The following CFAP92 variants were observed in gnomAD, a reference collection of about 807,000 sequenced individuals.
CFAP92 encodes uncharacterized protein CFAP92.
CFAP92 carries 86 observed loss-of-function variants against 106.3 expected under a neutral mutation model. The observed-to-expected ratio is 0.81, with a 90% CI of 0.68 to 0.97. The LOEUF is 0.97. CFAP92 is among the 50% of genes least tolerant of loss of function. The pLI is 0.00. For synonymous variants in CFAP92, 477 were observed against 506.4 expected (o/e 0.94, Z 0.78); for missense variants, 1,204 against 1,283.8 (o/e 0.94, Z 0.95).
chr3:128,991,026 T>C (rs1944179451), intron 2 of CFAP92, among the ~76,000 whole-genome samples: 1 of 152,210 alleles, frequency 6.6e-6, no homozygotes, highest in African/African-American at 2.4e-5. Context: ...TTTAAAGGTA[T>C]TGGCATGATA....
At chr3:129,024,920 G>C in the CFAP92 span, among the ~76,000 whole-genome samples, 2 of 152,204 alleles carry the variant, frequency 1.3e-5, no homozygotes, top group African/African-American at 4.8e-5. Flanking sequence ...GAAGAACCAG[G>C]AGGATTTTCT....
chr3:128,912,497 T>C lies in CFAP92; in HGVS notation c.3281-2164A>G, dbSNP rs2107671625. 1 of 1,612,354 alleles carries C rather than the reference T, an allele frequency of 6.2e-7. No homozygotes were observed. The highest frequency in any genetic ancestry group is 1.1e-5 in the South Asian group (1 of 91,042). On this transcript the variant is annotated intron_variant, in intron 15 of 15. Transcript: ENST00000645291. ...AAAGATCACCCACCATCTCTCCTTT[T>C]CCTTCCCAGATGCTCCAGAAAACCT...
intron 12 of CFAP92, among the ~76,000 whole-genome samples, chr3:128,924,294 A>C (rs1387144040): frequency 1.5e-4 from 23 of 152,008 alleles, no homozygotes; most frequent in Admixed American, 1.5e-3. Flanking sequence ...ACCACAATCT[A>C]AGCCCAGGGC....
intron 9 of CFAP92, among the ~76,000 whole-genome samples, chr3:128,962,812 G>T (rs1191384908): frequency 6.6e-6 from 1 of 152,130 alleles, no homozygotes; most frequent in Admixed American, 6.5e-5. Flanking sequence ...CCTAAAACCA[G>T]ACAAGGCTTA....
intron 9 of CFAP92, among the ~76,000 whole-genome samples, chr3:128,957,188 AAAGG>A (rs1204617991): frequency 6.6e-6 from 1 of 152,208 alleles, no homozygotes; most frequent in Non-Finnish European, 1.5e-5. Context: ...GGAACATTAG[AAAGG>A]AAGAAAGGAT....
chr3:128,998,483 C>A (rs1269843958), upstream of CFAP92, among the ~76,000 whole-genome samples: 1 of 152,130 alleles, frequency 6.6e-6, no homozygotes, highest in Non-Finnish European at 1.5e-5. Context: ...AATAATGGCC[C>A]AAGGACATTC....
Position 128,915,211 on chromosome 3 carries a change from C to T in CFAP92, c.3188G>A (p.Ser1063Asn). The T allele has an allele frequency of 6.5e-7, 1 of 1,536,180 alleles. No individual in the cohort carries two copies. The highest frequency in any genetic ancestry group is 8.7e-7 in the Non-Finnish European group (1 of 1,146,922). Reference sequence around the variant, plus strand: ...AAAGTCCACGTGGTGCCTGTCCCAGCTCCACCTGTCTCGATCCAACACAGG... The same window carrying T: ...AAAGTCCACGTGGTGCCTGTCCCAGTTCCACCTGTCTCGATCCAACACAGG... ...LEPVLDRDRW[S>N]WDRHHVDFDL... Residue 1063 changes from serine to asparagine, a missense_variant, in exon 15 of 16, where the codon AGC (serine) becomes AAC (asparagine). Transcript: ENST00000645291.
At chr3:128,963,333 C>A (rs555686950) in intron 9 of CFAP92, among the ~76,000 whole-genome samples, 102 of 152,300 alleles carry the variant, frequency 6.7e-4, no homozygotes, top group African/African-American at 2.3e-3. Flanking sequence ...TAGCCTAGCC[C>A]TCATGTCTGC....
At chr3:129,017,458 C>T in the CFAP92 span, among the ~76,000 whole-genome samples, 7 of 152,216 alleles carry the variant, frequency 4.6e-5, no homozygotes, top group South Asian at 4.1e-4. Context: ...CGCACAAGGC[C>T]GAAAGCAAGG....
At chr3:128,994,732 C>T (rs1275820424), upstream of CFAP92, among the ~76,000 whole-genome samples, 1 of 152,198 alleles carries the variant, frequency 6.6e-6, no homozygotes, top group Non-Finnish European at 1.5e-5. Context: ...TGCTAAACCA[C>T]CCAAGCTGAG....
At chr3:128,999,800 C>A (rs1436805969) in intron 1 of CFAP92, among the ~76,000 whole-genome samples, 1 of 152,116 alleles carries the variant, frequency 6.6e-6, no homozygotes, top group Non-Finnish European at 1.5e-5. Context: ...GCCTCGGCCT[C>A]CCAAAGTGGT....
At chr3:128,950,231 C>T (rs891084681) in intron 9 of CFAP92, among the ~76,000 whole-genome samples, 1 of 152,150 alleles carries the variant, frequency 6.6e-6, no homozygotes, top group East Asian at 1.9e-4. Context: ...CCCTGACCCC[C>T]CAGGCAGGGA....
chr3:128,926,055 A>G (rs1937620176), intron 12 of CFAP92, among the ~76,000 whole-genome samples: 1 of 152,272 alleles, frequency 6.6e-6, no homozygotes, highest in Non-Finnish European at 1.5e-5. Flanking sequence ...CTAACAACTC[A>G]TTTGAATAAA....
chr3:128,964,547 TCTTGAAGTAAATAAATAATCTTTG>T (rs1942217335), intron 9 of CFAP92, among the ~76,000 whole-genome samples: 1 of 152,154 alleles, frequency 6.6e-6, no homozygotes, highest in Non-Finnish European at 1.5e-5. Flanking sequence ...CACTCTAAAC[TCTTGAAGTAAATAAATAATCTTTG>T]CTGGCAGGAC....
intron 10 of CFAP92, among the ~76,000 whole-genome samples, chr3:128,938,072 G>GAA (rs112911438): frequency 6.7e-5 from 10 of 149,542 alleles, no homozygotes; most frequent in South Asian, 2.1e-4. Flanking sequence ...TCAAACAAAA[G>GAA]AAAAAAAAAT....
intron 10 of CFAP92, among the ~76,000 whole-genome samples, chr3:128,937,833 C>T (rs969590979): frequency 3.8e-4 from 58 of 152,020 alleles, no homozygotes; most frequent in African/African-American, 1.3e-3. Context: ...GGCTGAGAGG[C>T]AGGTGGATCA....
intron 12 of CFAP92, among the ~76,000 whole-genome samples, chr3:128,924,235 C>G (rs1937521178): frequency 6.6e-6 from 1 of 151,862 alleles, no homozygotes; most frequent in Admixed American, 6.6e-5. Context: ...CCCTCATGGC[C>G]TTTGGAACAC....
At chr3:128,918,145 A>T (rs1313604739) in intron 12 of CFAP92, among the ~76,000 whole-genome samples, 1 of 152,212 alleles carries the variant, frequency 6.6e-6, no homozygotes, top group Non-Finnish European at 1.5e-5. Flanking sequence ...TTAGGTTTAA[A>T]GGCCTTAGGT....
At chr3:128,934,326 TC>T (rs1938748331) in intron 11 of CFAP92, among the ~76,000 whole-genome samples, 1 of 152,074 alleles carries the variant, frequency 6.6e-6, no homozygotes, top group Non-Finnish European at 1.5e-5. Context: ...TTCAAGTGAT[TC>T]TCCTGCCTCA....
Sources: gnomAD v4.1 joint callset for allele counts (sites outside exome capture counted in the v4.1 genomes callset) on GRCh38, gnomAD v4.1.1 for gene constraint, MANE v1.5 for transcripts, NCBI Gene and HGNC (gene_info 2026-07-23, HGNC 2026-07-21) for gene names.